The following SSH1 variants were observed in gnomAD, a reference collection of about 807,000 sequenced individuals.
SSH1 encodes slingshot protein phosphatase 1.
In SSH1, 43 loss-of-function variants were observed where a neutral mutation model predicts 79.7. The observed-to-expected ratio is 0.54, with a 90% confidence interval of 0.42 to 0.70. The LOEUF (loss-of-function observed/expected upper bound fraction) is 0.70. SSH1 is among the 30% of genes least tolerant of loss of function. SSH1 has a pLI of 0.00. For missense variants in SSH1, 1,206 were observed against 1,358.8 expected, an observed-to-expected ratio of 0.89 and a Z score of 1.77; for synonymous variants, 599 against 538.3, an observed-to-expected ratio of 1.11 and a Z score of -1.56.
intron 8 of SSH1, 81 bp from the exon 9 acceptor site, chr12:108,806,475 G>T: frequency 7.9e-7 from 1 of 1,271,262 alleles, no homozygotes. Context: ...AGATGCTCCT[G>T]GGTCTAAACA....
chr12:108,821,991 C>T (rs1476254126), intron 3 of SSH1, among the ~76,000 whole-genome samples: 1 of 152,232 alleles, frequency 6.6e-6, no homozygotes, highest in Non-Finnish European at 1.5e-5. Context: ...CACTGCCTCT[C>T]CAAGAAATGC....
chr12:108,845,708 T>C lies in SSH1; in HGVS notation c.110+6930A>G, dbSNP rs1413661148. 2.0e-5 allele frequency among the ~76,000 whole-genome samples: 3 copies of C among 152,078 alleles called. No homozygotes were observed. The East Asian group carries it at 5.8e-4, about 29-fold the overall frequency. ...ATTTCAAATTTAAACAAAATAAACATATATTGTTTAACTGTTAAGTTAGTG... is the reference window on the plus strand; with the variant it reads ...ATTTCAAATTTAAACAAAATAAACACATATTGTTTAACTGTTAAGTTAGTG... On this transcript the variant is annotated intron_variant, in intron 2 of 14. Coordinates refer to ENST00000326495, the MANE Select transcript of SSH1 (RefSeq NM_018984.4).
At chr12:108,839,443 C>G (rs1394625998) in intron 2 of SSH1, among the ~76,000 whole-genome samples, 2 of 152,198 alleles carry the variant, frequency 1.3e-5, no homozygotes, top group South Asian at 2.1e-4. Flanking sequence ...TTTCCAGATG[C>G]TGCAGCCAGC....
In SSH1 at chr12:108,789,180, A is replaced by G. The variant is rs545331040; in HGVS notation, c.1958T>C (p.Met653Thr). Residue 653 changes from methionine (M) to threonine (T), a missense_variant, in exon 15 of 15, where the codon ATG becomes ACG. Transcript: ENST00000326495. ...KPSYKSCADC[M>T]YPTASGAPEA... ...AGGAGCCCCGCTGGCTGTAGGGTAC[A>G]TGCAGTCGGCACAGGATTTATAGGA... 2.5e-6 allele frequency: 4 copies of G among 1,610,886 alleles called. No individual in the cohort carries two copies. Among genetic ancestry groups the G allele is most frequent in the Admixed American group, 1.7e-5 (1 of 59,212 alleles).
rs2036260345 is a variant in SSH1 at position 108,785,951 on chromosome 12, G to C, written c.*2037C>G. On this transcript the variant is annotated 3_prime_UTR_variant, in exon 15 of 15. Coordinates refer to ENST00000326495, the MANE Select transcript of SSH1 (RefSeq NM_018984.4). ...AATAAGTGGATAATCACCTTTTAAG[G>C]TGATTTTAATTGACACTAGTGGGAA... 1 of 152,164 alleles carries C rather than the reference G, an allele frequency of 6.6e-6. No individual in the cohort carries two copies. The highest frequency in any genetic ancestry group is 2.1e-4 in the South Asian group (1 of 4,830). The allele number at this position is 152,164 out of a possible 1,614,324, so 9.4% of individuals were successfully genotyped here. A position where few individuals can be genotyped will look rare whatever the true frequency, so the allele number is the denominator to read the frequency against.
chr12:108,808,821 C>CTTTTTTTTTTT (rs148110288), intron 7 of SSH1, among the ~76,000 whole-genome samples: 24 of 80,278 alleles, frequency 3.0e-4, no homozygotes, highest in East Asian at 9.1e-4. Flanking sequence ...TCTTTTACTT[C>CTTTTTTTTTTT]TTTTTTTTTT....
chr12:108,807,581 A>C lies in SSH1; in HGVS notation c.731+52T>G. On this transcript the variant is annotated intron_variant, in intron 8 of 14. Transcript: ENST00000326495. The surrounding 1 kb of genome is among the most constrained non-coding windows in gnomAD (Gnocchi z 5.2). ...GTCGGGCACAGGGCAGGTGGGGGAG[A>C]GGCAGGTGCCTGTGGGCTTGGGTGC... 6.3e-7 allele frequency: 1 copy of C among 1,580,526 alleles called. No individual in the cohort carries two copies. The highest frequency in any genetic ancestry group is 8.7e-7 in the Non-Finnish European group (1 of 1,152,496).
chr12:108,851,729 C>G (rs1181624652), intron 2 of SSH1, among the ~76,000 whole-genome samples: 1 of 152,158 alleles, frequency 6.6e-6, no homozygotes, highest in Non-Finnish European at 1.5e-5. Flanking sequence ...AAAGATTTCT[C>G]ATAAGCACAA....
At chr12:108,814,770 G>A (rs933811419) in intron 5 of SSH1, among the ~76,000 whole-genome samples, 9 of 152,238 alleles carry the variant, frequency 5.9e-5, no homozygotes, top group Admixed American at 3.9e-4. Flanking sequence ...CAGGAGAGGC[G>A]AGGGAACCAC....
intron 1 of SSH1, chr12:108,853,088 A>C: frequency 1.0e-6 from 1 of 985,414 alleles, no homozygotes; most frequent in Non-Finnish European, 1.2e-6. Flanking sequence ...CCAGGCAATA[A>C]CAGCTGAGTG....
In SSH1 at chr12:108,800,930, C is replaced by A; in HGVS notation, c.1002-4G>T. The A allele has an allele frequency of 6.2e-7, 1 of 1,611,942 alleles. No individual in the cohort carries two copies. The highest frequency in any genetic ancestry group is 8.5e-7 in the Non-Finnish European group (1 of 1,179,130). On this transcript the variant is annotated splice_polypyrimidine_tract_variant and splice_region_variant and intron_variant, in intron 11 of 14. Coordinates refer to ENST00000326495, the MANE Select transcript of SSH1 (RefSeq NM_018984.4). ...AACATTTAAAATGTAATCAACCCTG[C>A]AATGAGAAAAAAATAAGAAACAAAT...
Position 108,787,859 on chromosome 12 carries a change from G to T in SSH1, c.*129C>A. 8.3e-7 allele frequency: 1 copy of T among 1,204,666 alleles called. No homozygotes were observed. The highest frequency in any genetic ancestry group is 2.5e-5 in the East Asian group (1 of 40,124). 74.6% of individuals were successfully genotyped at this position (1,204,666 alleles called of 1,614,324 possible). ...CTCCTCCTCTCTATGGCAAGAGTAGGGGAAAAGTTAGGATGACTTCACTCG... is the reference window on the plus strand; with the variant it reads ...CTCCTCCTCTCTATGGCAAGAGTAGTGGAAAAGTTAGGATGACTTCACTCG... On this transcript the variant is annotated 3_prime_UTR_variant, in exon 15 of 15. Coordinates refer to ENST00000326495, the MANE Select transcript of SSH1 (RefSeq NM_018984.4).
Position 108,781,956 on chromosome 12 carries a change from A to G in SSH1, c.*6032T>C, listed in dbSNP as rs2036150325. ...AAGCGAGACTTCATGTCTATAATAA[A>G]TTGTAAAAATTAGCGGGGCAAGGTG... On this transcript the variant is annotated 3_prime_UTR_variant, in exon 15 of 15. Coordinates refer to ENST00000326495, the MANE Select transcript of SSH1 (RefSeq NM_018984.4). The G allele has an allele frequency of 6.6e-6, 1 of 151,932 alleles. No individual in the cohort carries two copies. 9.4% of individuals were successfully genotyped at this position (151,932 alleles called of 1,614,324 possible).
At chr12:108,818,424 T>G (rs1593082934) in intron 3 of SSH1, 111 bp from the exon 4 acceptor site, 2 of 940,826 alleles carry the variant, frequency 2.1e-6, no homozygotes, top group Non-Finnish European at 3.3e-6. Flanking sequence ...AAGTTAAAAT[T>G]TGTCTACCTA....
At chr12:108,808,821 C>CTT (rs148110288) in intron 7 of SSH1, among the ~76,000 whole-genome samples, 20 of 80,230 alleles carry the variant, frequency 2.5e-4, no homozygotes, top group Non-Finnish European at 3.3e-4. Flanking sequence ...TCTTTTACTT[C>CTT]TTTTTTTTTT....
chr12:108,838,407 C>T (rs771054300), intron 2 of SSH1, among the ~76,000 whole-genome samples: 68 of 152,050 alleles, frequency 4.5e-4, no homozygotes, highest in Non-Finnish European at 8.7e-4. Context: ...GTTTTGAGGG[C>T]CTCTCACATA....
intron 2 of SSH1, among the ~76,000 whole-genome samples, chr12:108,842,221 C>T (rs182989606): frequency 1.3e-5 from 2 of 152,264 alleles, no homozygotes; most frequent in East Asian, 1.9e-4. Context: ...AAATAAAACC[C>T]GAGTTAAACC....
intron 3 of SSH1, among the ~76,000 whole-genome samples, chr12:108,821,933 C>A (rs2038137371): frequency 6.6e-6 from 1 of 152,194 alleles, no homozygotes. Context: ...TCACCTGCTG[C>A]TGTTCTGAAA....
chr12:108,815,827 T>G (rs572176617), intron 5 of SSH1, among the ~76,000 whole-genome samples: 1 of 152,328 alleles, frequency 6.6e-6, no homozygotes, highest in Non-Finnish European at 1.5e-5. Flanking sequence ...CTATTTATTA[T>G]GTACTGCGGG....
Sources: gnomAD v4.1 joint callset for allele counts (sites outside exome capture counted in the v4.1 genomes callset) on GRCh38, gnomAD v4.1.1 for gene constraint, Gnocchi (gnomAD v3.1) non-coding constraint, MANE v1.5 for transcripts, NCBI Gene and HGNC (gene_info 2026-07-23, HGNC 2026-07-21) for gene names.